RAB28: variants seen among roughly 807,000 people sequenced by gnomAD.
The protein encoded by RAB28 is ras-related protein Rab-28.
Under a neutral mutation model 31.7 loss-of-function variants are expected in RAB28, and 24 were observed. That is an observed-to-expected ratio of 0.76 (90% CI 0.55 to 1.06). The LOEUF (loss-of-function observed/expected upper bound fraction) is 1.06. Among genes scored for constraint, RAB28 ranks in the 50% least tolerant of loss-of-function variants. RAB28 has a pLI of 0.00. For synonymous variants in RAB28, 100 were observed against 90.4 expected (o/e 1.11, Z -0.60); for missense variants, 254 against 258.5 (o/e 0.98, Z 0.12).
intron 4 of RAB28, among the ~76,000 whole-genome samples, chr4:13,452,839 T>C (rs1449775966): frequency 6.6e-6 from 1 of 152,068 alleles, no homozygotes; most frequent in South Asian, 2.1e-4. Flanking sequence ...ATTTTCTGTT[T>C]AGGTTGTCTG....
chr4:13,464,519 T>C (rs1442498216), intron 3 of RAB28, among the ~76,000 whole-genome samples: 2 of 152,044 alleles, frequency 1.3e-5, no homozygotes, highest in Non-Finnish European at 2.9e-5. Context: ...AAGAATATAG[T>C]ATGCTTCTCC....
rs572346291 is a variant in RAB28, at chr4:13,484,340, C to A, written c.-190G>T. On this transcript the variant is annotated 5_prime_UTR_variant, in exon 1 of 7. Transcript: ENST00000330852. ...ATCTTGCCCACCTCCCCGCCCTCTG[C>A]GCGCGGCCCCGCCCCCTACGCGCAC... is the stretch of plus-strand genomic sequence containing the variant. The A allele has an allele frequency of 1.8e-6, 1 of 545,312 alleles. No individual in the cohort carries two copies. Among genetic ancestry groups the A allele is most frequent in the South Asian group, 2.0e-5 (1 of 50,190 alleles). 33.8% of individuals were successfully genotyped at this position (545,312 alleles called of 1,614,324 possible). A position where few individuals can be genotyped will look rare whatever the true frequency, so the allele number is the denominator to read the frequency against.
At chr4:13,380,458 T>G (rs1335675648) in intron 5 of RAB28, among the ~76,000 whole-genome samples, 2 of 151,612 alleles carry the variant, frequency 1.3e-5, no homozygotes, top group African/African-American at 4.8e-5. Flanking sequence ...AATTTCTAAA[T>G]ACAATAGAAA....
At chr4:13,480,433 T>A (rs1340361592) in intron 1 of RAB28, among the ~76,000 whole-genome samples, 4 of 151,866 alleles carry the variant, frequency 2.6e-5, no homozygotes, top group Non-Finnish European at 5.9e-5. Context: ...CTCCCTACTT[T>A]AAGAGAAAAT....
intron 4 of RAB28, among the ~76,000 whole-genome samples, chr4:13,441,855 T>C (rs1714431741): frequency 6.6e-6 from 1 of 152,168 alleles, no homozygotes; most frequent in Admixed American, 6.5e-5. Flanking sequence ...CCAAGAGCTG[T>C]TCTGGGTTAA....
intron 4 of RAB28, among the ~76,000 whole-genome samples, chr4:13,395,631 G>A (rs920392482): frequency 6.0e-5 from 9 of 151,024 alleles, no homozygotes; most frequent in African/African-American, 2.2e-4. Context: ...TGATAACAAG[G>A]GAGAGAACGA....
At chr4:13,449,623 T>C (rs1268778190) in intron 4 of RAB28, among the ~76,000 whole-genome samples, 2 of 152,078 alleles carry the variant, frequency 1.3e-5, no homozygotes, top group East Asian at 3.9e-4. Flanking sequence ...CACTCAACAT[T>C]CTTAATTAGT....
intron 4 of RAB28, among the ~76,000 whole-genome samples, chr4:13,432,313 A>C (rs1475412356): frequency 6.6e-6 from 1 of 152,150 alleles, no homozygotes; most frequent in Non-Finnish European, 1.5e-5. Context: ...ACCTAAGACA[A>C]ACTGGCATTC....
intron 4 of RAB28, among the ~76,000 whole-genome samples, chr4:13,388,513 A>T (rs1449312157): frequency 2.6e-5 from 4 of 152,066 alleles, no homozygotes; most frequent in Non-Finnish European, 5.9e-5. Context: ...GAAATAACAG[A>T]CGAACAGGGC....
chr4:13,368,165 A>C lies in RAB28; in HGVS notation c.*393T>G. ...CTCTGAAGTATACTTTGACACATAC[A>C]AGTTCCGATAAGAGAATGAAATTGC... is the stretch of plus-strand genomic sequence containing the variant. On this transcript the variant is annotated 3_prime_UTR_variant, in exon 7 of 7. Coordinates refer to ENST00000330852, the MANE Select transcript of RAB28 (RefSeq NM_001017979.3). The C allele has an allele frequency of 1.0e-6, 1 of 987,792 alleles. No homozygotes were observed. 61.2% of individuals were successfully genotyped at this position (987,792 alleles called of 1,614,324 possible). A position where few individuals can be genotyped will look rare whatever the true frequency, so the allele number is the denominator to read the frequency against.
chr4:13,397,376 A>C (rs1729914751), intron 4 of RAB28, among the ~76,000 whole-genome samples: 1 of 152,152 alleles, frequency 6.6e-6, no homozygotes, highest in African/African-American at 2.4e-5. Flanking sequence ...GGATAAAGGC[A>C]CCTGTTTGGT....
chr4:13,472,930 C>T (rs574958620), intron 3 of RAB28, among the ~76,000 whole-genome samples: 11 of 151,660 alleles, frequency 7.3e-5, no homozygotes, highest in Admixed American at 5.3e-4. Flanking sequence ...GTCACTTAAC[C>T]ACAGAAGAAA....
At chr4:13,458,300 G>A (rs1462608822) in intron 4 of RAB28, among the ~76,000 whole-genome samples, 2 of 151,178 alleles carry the variant, frequency 1.3e-5, no homozygotes, top group Non-Finnish European at 2.9e-5. Flanking sequence ...TGTCATCATG[G>A]TTTTAAATTA....
At chr4:13,474,646 TC>T (rs1364342706) in intron 2 of RAB28, among the ~76,000 whole-genome samples, 4 of 151,594 alleles carry the variant, frequency 2.6e-5, no homozygotes, top group Non-Finnish European at 5.9e-5. Context: ...ACAATCACCT[TC>T]AAAACAAAAG....
chr4:13,369,792 T>C, intron 6 of RAB28: 1 of 1,301,752 alleles, frequency 7.7e-7, no homozygotes, highest in Non-Finnish European at 1.0e-6. Context: ...TCCCTATTCA[T>C]AGGGAATAAA....
intron 3 of RAB28, among the ~76,000 whole-genome samples, chr4:13,471,379 G>A (rs1716112821): frequency 6.6e-6 from 1 of 152,002 alleles, no homozygotes. Flanking sequence ...AGCTTCTCTA[G>A]CCTGGATATA....
chr4:13,477,189 G>A (rs1331597890), intron 2 of RAB28, among the ~76,000 whole-genome samples: 6 of 151,526 alleles, frequency 4.0e-5, no homozygotes, highest in African/African-American at 1.5e-4. Context: ...ACTATTTTAA[G>A]CAGTAAAATC....
chr4:13,471,277 G>A (rs948358250), intron 3 of RAB28, among the ~76,000 whole-genome samples: 1 of 151,968 alleles, frequency 6.6e-6, no homozygotes, highest in African/African-American at 2.4e-5. Context: ...TAAAGATATT[G>A]AGCTTATTAA....
At chr4:13,460,513 G>GC (rs1236634579) in intron 4 of RAB28, among the ~76,000 whole-genome samples, 186 bp downstream of exon 4, 1 of 152,080 alleles carries the variant, frequency 6.6e-6, no homozygotes, top group African/African-American at 2.4e-5. Flanking sequence ...ACTGCGCCCT[G>GC]CCAGATGTCA....
Sources: allele counts gnomAD v4.1 joint callset (sites outside exome capture counted in the v4.1 genomes callset), GRCh38; gene constraint gnomAD v4.1.1; transcripts MANE v1.5; gene names NCBI Gene and HGNC (gene_info 2026-07-23, HGNC 2026-07-21).